The following CPEB4 variants were observed in gnomAD, a reference collection of about 807,000 sequenced individuals.
CPEB4 encodes the protein cytoplasmic polyadenylation element-binding protein 4.
A neutral mutation model predicts 72.5 loss-of-function variants in CPEB4; 12 were observed. The observed-to-expected ratio is 0.17, with a 90% CI of 0.11 to 0.27. The LOEUF (loss-of-function observed/expected upper bound fraction) is 0.27. Ranked by LOEUF, CPEB4 falls within the 10% of genes least tolerant of loss-of-function variation. CPEB4 has a pLI of 1.00. For missense variants in CPEB4, 614 were observed against 908.5 expected, an observed-to-expected ratio of 0.68 and a Z score of 4.17; for synonymous variants, 302 against 326.3, an observed-to-expected ratio of 0.93 and a Z score of 0.80.
chr5:173,890,254 C>T lies in CPEB4; in HGVS notation c.521C>T (p.Ala174Val), dbSNP rs780605261. Residue 174 changes from alanine to valine, a missense_variant, in exon 1 of 10, where the codon GCG becomes GTG. By Grantham distance (64) the Ala-to-Val change is moderately conservative (BLOSUM62 0). This residue lies in a region of CPEB4 where 458 missense variants were observed against 548.6 expected (regional missense o/e 0.83). Transcript: ENST00000265085. ...ACTGGTTTCAGTAACTGGTCAGCAG[C>T]GATAGCGCCTTCCTCCTCTACAATA... Reference protein sequence around the residue: ...SLTGFSNWSAAIAPSSSTIIN... With the variant: ...SLTGFSNWSAVIAPSSSTIIN... 1 of 1,614,012 alleles carries T rather than the reference C, an allele frequency of 6.2e-7. No individual in the cohort carries two copies. The highest frequency in any genetic ancestry group is 1.7e-5 in the Admixed American group (1 of 60,004).
At chr5:173,907,084 T>G (rs566971041) in intron 1 of CPEB4, among the ~76,000 whole-genome samples, 49 of 152,148 alleles carry the variant, frequency 3.2e-4, no homozygotes, top group Non-Finnish European at 6.2e-4. Flanking sequence ...CTGGCCAACA[T>G]AGTGAAACCC....
intron 2 of CPEB4, among the ~76,000 whole-genome samples, chr5:173,915,297 GT>G (rs1235289022): frequency 4.6e-5 from 7 of 151,902 alleles, no homozygotes; most frequent in Non-Finnish European, 8.8e-5. Context: ...TTCGTATTAG[GT>G]TTTTTTATAA....
intron 1 of CPEB4, among the ~76,000 whole-genome samples, chr5:173,904,621 T>C (rs1405008432): frequency 6.6e-6 from 1 of 152,152 alleles, no homozygotes; most frequent in Non-Finnish European, 1.5e-5. Context: ...TTAGAGTGCC[T>C]CCTTTATTCA....
chr5:173,892,707 A>G (rs905908840), intron 1 of CPEB4, among the ~76,000 whole-genome samples: 2 of 152,236 alleles, frequency 1.3e-5, no homozygotes, highest in Non-Finnish European at 2.9e-5. Flanking sequence ...CAGACAATGA[A>G]TAAAATATAC....
intron 5 of CPEB4, among the ~76,000 whole-genome samples, chr5:173,947,900 G>A (rs1420973671): frequency 1.3e-5 from 2 of 152,090 alleles, no homozygotes; most frequent in East Asian, 1.9e-4. Flanking sequence ...AGAATAAGAC[G>A]AGCCCGGAGT....
intron 2 of CPEB4, among the ~76,000 whole-genome samples, chr5:173,912,183 G>C (rs570930956): frequency 6.6e-6 from 1 of 152,168 alleles, no homozygotes; most frequent in Non-Finnish European, 1.5e-5. Context: ...CTCAGAATTG[G>C]CTTTATTTTT....
intron 2 of CPEB4, among the ~76,000 whole-genome samples, chr5:173,931,370 G>A (rs1757441560): frequency 6.6e-6 from 1 of 152,126 alleles, no homozygotes; most frequent in African/African-American, 2.4e-5. Context: ...TGGTTCTGTG[G>A]GGTCAGAGTT....
chr5:173,936,441 A>G (rs1426258245), intron 3 of CPEB4, among the ~76,000 whole-genome samples: 1 of 152,208 alleles, frequency 6.6e-6, no homozygotes, highest in Non-Finnish European at 1.5e-5. Flanking sequence ...CCCTGTCTCC[A>G]AATATAGTCA....
In CPEB4 at chr5:173,916,841, A is replaced by G. The variant is rs1050006886; in HGVS notation, c.1207+6237A>G. 2.0e-5 allele frequency among the ~76,000 whole-genome samples: 3 copies of G among 152,210 alleles called. No individual in the cohort carries two copies. The South Asian group carries it at 6.2e-4, about 31-fold the overall frequency. On this transcript the variant is annotated intron_variant, in intron 2 of 9. Transcript: ENST00000265085. The stretch of plus-strand genomic sequence containing the variant: ...TCAGTTTTATAAAAGTTTTTTTTAT[A>G]TCATTGTAAGAGAGTGGCTGTGGGG...
chr5:173,917,864 A>C (rs1371099512), intron 2 of CPEB4, among the ~76,000 whole-genome samples: 1 of 152,248 alleles, frequency 6.6e-6, no homozygotes, highest in African/African-American at 2.4e-5. Flanking sequence ...ATCTTTAAAT[A>C]TCATTAAGTC....
chr5:173,926,946 C>T (rs10043713), intron 2 of CPEB4, among the ~76,000 whole-genome samples: 21,454 of 151,762 alleles, frequency 0.14, 2,149 homozygotes, highest in African/African-American at 0.28. Flanking sequence ...GTCAGGAGTT[C>T]GAGATCAGCC....
intron 1 of CPEB4, chr5:173,891,354 ACT>A (rs1187423060): frequency 2.6e-5 from 4 of 152,298 alleles, no homozygotes; most frequent in African/African-American, 7.2e-5. Context: ...AAACCTGGAA[ACT>A]CTCTGAACCT....
At chr5:173,911,918 A>G (rs1756679275) in intron 2 of CPEB4, among the ~76,000 whole-genome samples, 1 of 152,148 alleles carries the variant, frequency 6.6e-6, no homozygotes, top group Non-Finnish European at 1.5e-5. Context: ...AGTTTGGCTT[A>G]TCATGTTACT....
chr5:173,949,417 G>A (rs1758141706), intron 5 of CPEB4, 91 bp from the exon 6 acceptor site: 2 of 899,548 alleles, frequency 2.2e-6, no homozygotes, highest in African/African-American at 1.7e-5. Context: ...TACTGTTCTT[G>A]TAAATAGTAG....
chr5:173,896,035 T>G (rs543575193), intron 1 of CPEB4, among the ~76,000 whole-genome samples: 1 of 152,208 alleles, frequency 6.6e-6, no homozygotes. Flanking sequence ...AAGAAAGAAA[T>G]GGGGAACCTA....
chr5:173,901,017 G>T lies in CPEB4; in HGVS notation c.1126-9506G>T, dbSNP rs375797205. 5.2e-4 allele frequency among the ~76,000 whole-genome samples: 79 copies of T among 152,212 alleles called. 1 individual carries two copies. The highest frequency in any genetic ancestry group is 6.8e-3 in the Middle Eastern group (2 of 294). On this transcript the variant is annotated intron_variant, in intron 1 of 9. Coordinates refer to ENST00000265085, the MANE Select transcript of CPEB4 (RefSeq NM_030627.4). ...GATTTTAATTATTTCTCTCTGCTAG[G>T]CAAGATTAGTATGAACAAATTGTCA...
chr5:173,948,291 G>A (rs1351705097), intron 5 of CPEB4, among the ~76,000 whole-genome samples: 1 of 152,184 alleles, frequency 6.6e-6, no homozygotes, highest in Non-Finnish European at 1.5e-5. Flanking sequence ...GGATATTGGT[G>A]AGCAACACAA....
At chr5:173,890,964 T>G in intron 1 of CPEB4, 106 bp downstream of exon 1, 1 of 1,076,122 alleles carries the variant, frequency 9.3e-7, no homozygotes, top group African/African-American at 1.6e-5. Context: ...AGAGCTTTTC[T>G]TAGAGAGAAA....
chr5:173,902,251 G>C (rs370725347), intron 1 of CPEB4, among the ~76,000 whole-genome samples: 1 of 152,100 alleles, frequency 6.6e-6, no homozygotes, highest in Non-Finnish European at 1.5e-5. Context: ...TCTTTACCAG[G>C]GAAAGTTTAA....
Sources: gnomAD v4.1 joint callset for allele counts (sites outside exome capture counted in the v4.1 genomes callset) on GRCh38, gnomAD v4.1.1 for gene constraint, gnomAD v4.1.1 regional missense constraint, MANE v1.5 for transcripts, NCBI Gene and HGNC (gene_info 2026-07-23, HGNC 2026-07-21) for gene names.